PDE11A: variants seen among roughly 807,000 people sequenced by gnomAD.
PDE11A encodes phosphodiesterase 11A, also known as dual 3',5'-cyclic-AMP and -GMP phosphodiesterase 11A.
In PDE11A, 100 loss-of-function variants were observed where a neutral mutation model predicts 100.5. The ratio of observed to expected loss-of-function variants is 1.00; its 90% confidence interval spans 0.85 to 1.18. PDE11A has a LOEUF of 1.18. Among genes scored for constraint, PDE11A ranks in the 50% most tolerant of loss-of-function variants. PDE11A has a pLI of 0.00. For synonymous variants in PDE11A, 381 were observed against 420.8 expected (o/e 0.91, Z 1.16); for missense variants, 1,141 against 1,152.6 (o/e 0.99, Z 0.15).
At chr2:178,031,892 G>A (rs1022137483) in intron 1 of PDE11A, among the ~76,000 whole-genome samples, 1 of 152,070 alleles carries the variant, frequency 6.6e-6, no homozygotes, top group African/African-American at 2.4e-5. Flanking sequence ...CAAGTCATAG[G>A]GGTTGGGGAG....
intron 4 of PDE11A, among the ~76,000 whole-genome samples, chr2:177,890,065 G>A (rs1437906895): frequency 4.6e-5 from 7 of 152,182 alleles, no homozygotes; most frequent in Non-Finnish European, 7.3e-5. Context: ...GTCTTTGAGT[G>A]TGTTCTCACC....
At chr2:177,796,457 G>T (rs1356593337) in intron 9 of PDE11A, among the ~76,000 whole-genome samples, 3 of 152,168 alleles carry the variant, frequency 2.0e-5, no homozygotes, top group African/African-American at 7.2e-5. Flanking sequence ...TGCAGGGGCT[G>T]TGTGTGGGGT....
chr2:177,911,611 C>T (rs919590614), intron 2 of PDE11A, among the ~76,000 whole-genome samples: 3 of 152,130 alleles, frequency 2.0e-5, no homozygotes, highest in South Asian at 2.1e-4. Flanking sequence ...GGGCCAGGCG[C>T]GGTGGCTTAT....
At chr2:177,713,625 T>C (rs948474263) in intron 12 of PDE11A, among the ~76,000 whole-genome samples, 1 of 152,054 alleles carries the variant, frequency 6.6e-6, no homozygotes, top group Non-Finnish European at 1.5e-5. Flanking sequence ...TTCGTGAGGC[T>C]GAGGCAGGAG....
chr2:178,085,448 T>C (rs1306725431), intron 2 of PDE11A, among the ~76,000 whole-genome samples: 1 of 152,158 alleles, frequency 6.6e-6, no homozygotes, highest in African/African-American at 2.4e-5. Flanking sequence ...ACTTGGGTGA[T>C]GGCATCCATA....
chr2:177,708,610 AC>A (rs1343068310), intron 13 of PDE11A, among the ~76,000 whole-genome samples: 2 of 152,202 alleles, frequency 1.3e-5, no homozygotes, highest in African/African-American at 4.8e-5. Flanking sequence ...CTTCACATGT[AC>A]CCCCAAACCT....
intron 9 of PDE11A, among the ~76,000 whole-genome samples, chr2:177,782,090 A>G (rs2082462522): frequency 6.6e-6 from 1 of 152,246 alleles, no homozygotes; most frequent in Non-Finnish European, 1.5e-5. Context: ...ATTAGCTAGT[A>G]CATAATGACA....
chr2:177,662,973 A>C (rs2080504865), intron 19 of PDE11A, among the ~76,000 whole-genome samples: 1 of 152,186 alleles, frequency 6.6e-6, no homozygotes, highest in African/African-American at 2.4e-5. Flanking sequence ...GGGGTTACAT[A>C]GGGTGAGGAA....
intron 2 of PDE11A, among the ~76,000 whole-genome samples, chr2:177,948,016 G>A (rs2085464751): frequency 6.6e-6 from 1 of 151,428 alleles, no homozygotes; most frequent in South Asian, 2.1e-4. Context: ...CAGGTAGGTA[G>A]GTAATTGTAT....
chr2:177,945,742 C>A (rs2085409425), intron 2 of PDE11A, among the ~76,000 whole-genome samples: 1 of 151,660 alleles, frequency 6.6e-6, no homozygotes, highest in African/African-American at 2.4e-5. Context: ...GGGGTCAGCC[C>A]CCCGCCCGGC....
At chr2:177,749,907 C>T (rs933905623) in intron 10 of PDE11A, among the ~76,000 whole-genome samples, 8 of 152,098 alleles carry the variant, frequency 5.3e-5, no homozygotes, top group African/African-American at 1.7e-4. Flanking sequence ...AATATGTAGG[C>T]TCATATTAGG....
Position 177,710,996 on chromosome 2 carries a change from G to C in PDE11A, c.2153+773C>G, listed in dbSNP as rs117625514. Among the ~76,000 whole-genome samples, 495 of 152,322 alleles carry C rather than the reference G, an allele frequency of 3.2e-3. 4 individuals are homozygous for C. The East Asian group carries it at 0.043, about 13-fold the overall frequency. ...CAGCCTCTGAAAGCCTCTGTCTTTT[G>C]TTTGCAGGCAGACAGTGAAAGAAAC... is the stretch of plus-strand genomic sequence containing the variant. On this transcript the variant is annotated intron_variant, in intron 13 of 19. Coordinates refer to ENST00000286063, the MANE Select transcript of PDE11A (RefSeq NM_016953.4).
chr2:178,072,096 C>G lies in PDE11A; in HGVS notation c.342G>C (p.Arg114=), dbSNP rs753356596. 5.6e-6 allele frequency: 9 copies of G among 1,614,118 alleles called. No homozygotes were observed. The highest frequency in any genetic ancestry group is 7.6e-6 in the Non-Finnish European group (9 of 1,179,962). Residue 114 remains arginine, a synonymous_variant, in exon 1 of 20, where the codon CGG becomes CGC. Transcript: ENST00000286063. ...TCCTTAGCTCTTTCTGAGAAGCTCT[C>G]CGCTGCAGGTTCCCATCGCCCCTGC... ...GGSRGDGNLQ[R]RASQKELRKS...
intron 10 of PDE11A, among the ~76,000 whole-genome samples, chr2:177,742,610 A>T (rs1397694245): frequency 1.3e-5 from 2 of 152,270 alleles, no homozygotes; most frequent in Non-Finnish European, 2.9e-5. Flanking sequence ...ATCCCACAAG[A>T]CAGGGACTCT....
chr2:177,631,770 T>C (rs534428994), intron 19 of PDE11A, among the ~76,000 whole-genome samples: 1 of 151,448 alleles, frequency 6.6e-6, no homozygotes, highest in South Asian at 2.1e-4. Context: ...GTTTTCCATC[T>C]CCAGGGTCTG....
chr2:177,703,137 G>A (rs908838506), intron 13 of PDE11A, among the ~76,000 whole-genome samples: 1 of 152,048 alleles, frequency 6.6e-6, no homozygotes, highest in Non-Finnish European at 1.5e-5. Flanking sequence ...TTACTATGTC[G>A]AGAGATTACA....
chr2:177,850,863 A>C (rs369169847), intron 5 of PDE11A, among the ~76,000 whole-genome samples: 2 of 152,078 alleles, frequency 1.3e-5, no homozygotes, highest in Non-Finnish European at 2.9e-5. Context: ...TTAGAATGGC[A>C]ATCATTAAAA....
intron 10 of PDE11A, among the ~76,000 whole-genome samples, chr2:177,755,746 G>A (rs1466688560): frequency 1.3e-5 from 2 of 152,194 alleles, no homozygotes; most frequent in Non-Finnish European, 2.9e-5. Context: ...TCTAGAAGGG[G>A]TTGCTGAAAG....
intron 2 of PDE11A, among the ~76,000 whole-genome samples, chr2:177,982,319 A>G (rs1480569257): frequency 6.6e-6 from 1 of 150,718 alleles, no homozygotes; most frequent in African/African-American, 2.4e-5. Context: ...AACACTACAC[A>G]TTAATTTCTA....
Sources: allele counts gnomAD v4.1 joint callset (sites outside exome capture counted in the v4.1 genomes callset), GRCh38; gene constraint gnomAD v4.1.1; transcripts MANE v1.5; gene names NCBI Gene and HGNC (gene_info 2026-07-23, HGNC 2026-07-21).